RCAN3: variants seen among roughly 807,000 people sequenced by gnomAD.
RCAN3 encodes the protein calcipressin-3.
A neutral mutation model predicts 21.9 loss-of-function variants in RCAN3; 19 were observed. The observed-to-expected ratio is 0.87, with a 90% CI of 0.61 to 1.27. RCAN3 has a LOEUF of 1.27. RCAN3 is among the 50% of genes most tolerant of loss of function. The probability of loss-of-function intolerance (pLI) is 0.00; values close to 1 mark genes in which losing one functional copy is unlikely to be tolerated. For synonymous variants in RCAN3, 114 were observed against 112.3 expected (o/e 1.01, Z -0.09); for missense variants, 240 against 300.1 (o/e 0.80, Z 1.48).
At chr1:24,504,892 T>C (rs1309127353) in intron 1 of RCAN3, among the ~76,000 whole-genome samples, 5 of 152,256 alleles carry the variant, frequency 3.3e-5, no homozygotes, top group Admixed American at 2.0e-4. Flanking sequence ...ATATGTTTTG[T>C]AGGCTGGTTT....
At position 24,539,816 on chromosome 1, in the gene RCAN3, T is replaced by G. The variant is rs1650412048; in HGVS notation, c.*4539T>G. The G allele has an allele frequency of 6.6e-6, 1 of 152,222 alleles. No homozygotes were observed. The highest frequency in any genetic ancestry group is 1.5e-5 in the Non-Finnish European group (1 of 68,044). The allele number at this position is 152,222 out of a possible 1,614,324, so 9.4% of individuals were successfully genotyped here. A position where few individuals can be genotyped will look rare whatever the true frequency, so the allele number is the denominator to read the frequency against. On this transcript the variant is annotated 3_prime_UTR_variant, in exon 5 of 5. Transcript: ENST00000374395. ...GTGGACCCTGTACGTACCAAACAGG[T>G]GAACTTGGTCCATCTTTCCTTCTTC...
intron 2 of RCAN3, among the ~76,000 whole-genome samples, chr1:24,524,828 G>GTTTTTTTTTTTTTTTTTTT (rs5773091): frequency 7.9e-6 from 1 of 127,230 alleles, no homozygotes; most frequent in Non-Finnish European, 1.6e-5. Context: ...GTTTTCTTTT[G>GTTTTTTTTTTTTTTTTTTT]TTTTTTTTTT....
chr1:24,512,569 A>G (rs1647976954), intron 1 of RCAN3, among the ~76,000 whole-genome samples: 1 of 152,192 alleles, frequency 6.6e-6, no homozygotes, highest in Non-Finnish European at 1.5e-5. Flanking sequence ...GTCTTGATTG[A>G]TATTGTAGAA....
chr1:24,512,473 C>T (rs935939691), intron 1 of RCAN3, among the ~76,000 whole-genome samples: 2 of 152,008 alleles, frequency 1.3e-5, no homozygotes, highest in Non-Finnish European at 2.9e-5. Flanking sequence ...GGGTAGGAAC[C>T]ATGTTTTCTT....
intron 1 of RCAN3, among the ~76,000 whole-genome samples, chr1:24,507,102 T>C (rs1056200733): frequency 2.6e-5 from 4 of 152,218 alleles, no homozygotes; most frequent in African/African-American, 9.7e-5. Context: ...GGCATGCTGA[T>C]ATTGACATGG....
rs761974051 is a variant in RCAN3 at position 24,528,422 on chromosome 1, C to T, written c.196-2796C>T. Among the ~76,000 whole-genome samples the T allele has an allele frequency of 1.9e-4, 29 of 152,086 alleles. 1 individual carries two copies. Among genetic ancestry groups the T allele is most frequent in the Admixed American group, 1.3e-4 (2 of 15,268 alleles). On this transcript the variant is annotated intron_variant, in intron 2 of 4. Coordinates refer to ENST00000374395, the MANE Select transcript of RCAN3 (RefSeq NM_013441.4). ...CTGTGTTTATTTACATACAGGCACA[C>T]ACATGCATTATACACACATGTATTC...
At chr1:24,514,197 T>C (rs1430473850) in intron 1 of RCAN3, 117 bp from the exon 2 acceptor site, 1 of 481,054 alleles carries the variant, frequency 2.1e-6, no homozygotes, top group Non-Finnish European at 3.6e-6. Context: ...TAAATATTGA[T>C]TCATCGTTCT....
chr1:24,529,364 G>A (rs1323543094), intron 2 of RCAN3, among the ~76,000 whole-genome samples: 1 of 151,280 alleles, frequency 6.6e-6, no homozygotes, highest in Non-Finnish European at 1.5e-5. Context: ...ACCAGCCTGC[G>A]CAACATAGCG....
chr1:24,531,426 C>A, intron 3 of RCAN3, 35 bp downstream of exon 3: 1 of 1,450,398 alleles, frequency 6.9e-7, no homozygotes, highest in Non-Finnish European at 9.2e-7. Flanking sequence ...GTTCTCTAAA[C>A]TTGTTTTTCT....
chr1:24,502,385 C>T (rs1357677257), upstream of RCAN3: 1 of 152,526 alleles, frequency 6.6e-6, no homozygotes, highest in Non-Finnish European at 1.5e-5. Context: ...GCGGCCGCCT[C>T]TCCTCGGGCA....
chr1:24,511,308 G>A (rs371876849), intron 1 of RCAN3, among the ~76,000 whole-genome samples: 5 of 152,108 alleles, frequency 3.3e-5, no homozygotes, highest in Non-Finnish European at 4.4e-5. Flanking sequence ...GCAAGACTCC[G>A]TCTCAGAAAC....
intron 1 of RCAN3, among the ~76,000 whole-genome samples, chr1:24,505,593 A>G (rs981057392): frequency 6.6e-6 from 1 of 152,128 alleles, no homozygotes; most frequent in Non-Finnish European, 1.5e-5. Context: ...TTAGTAGCCC[A>G]AAGCACCTAT....
At chr1:24,522,093 G>T (rs191392237) in intron 2 of RCAN3, among the ~76,000 whole-genome samples, 20 of 151,974 alleles carry the variant, frequency 1.3e-4, no homozygotes. Context: ...TAAAAATAAT[G>T]CAAAAAGAGC....
intron 1 of RCAN3, among the ~76,000 whole-genome samples, chr1:24,508,055 G>A (rs565513291): frequency 7.9e-5 from 12 of 152,206 alleles, no homozygotes; most frequent in South Asian, 6.2e-4. Context: ...CCGAGATCGC[G>A]CCACTGCGCC....
rs575156393 is a variant in RCAN3 at position 24,532,920 on chromosome 1, GCC to G, written c.370-162_370-161del. Among the ~76,000 whole-genome samples, 703 of 127,046 alleles carry G rather than the reference GCC, an allele frequency of 5.5e-3. 8 individuals carry two copies. Among genetic ancestry groups the G allele is most frequent in the Non-Finnish European group, 7.5e-3 (485 of 64,258 alleles). 83.3% of individuals were successfully genotyped at this position (127,046 alleles called of 152,430 possible). A position where few individuals can be genotyped will look rare whatever the true frequency, so the allele number is the denominator to read the frequency against. On this transcript the variant is annotated intron_variant, in intron 3 of 4. Coordinates refer to ENST00000374395, the MANE Select transcript of RCAN3 (RefSeq NM_013441.4). ...GCTGAGATTGGACCACTGCACTCCA[GCC>G]TGGGCGACAAAGTGAGACTCCGTCT...
In RCAN3 at chr1:24,533,269, T is replaced by C; in HGVS notation, c.541+15T>C. On this transcript the variant is annotated intron_variant, in intron 4 of 4. Coordinates refer to ENST00000374395, the MANE Select transcript of RCAN3 (RefSeq NM_013441.4). ...ATTGGGACCAGGTAATAAACTTCTA[T>C]TTTTCCTATTTTCTTCCCCAAGAAA... is the stretch of plus-strand genomic sequence containing the variant. 1.3e-6 allele frequency: 2 copies of C among 1,504,490 alleles called. No individual in the cohort carries two copies. The highest frequency in any genetic ancestry group is 1.8e-6 in the Non-Finnish European group (2 of 1,126,804). 93.2% of individuals were successfully genotyped at this position (1,504,490 alleles called of 1,614,324 possible). A position where few individuals can be genotyped will look rare whatever the true frequency, so the allele number is the denominator to read the frequency against.
chr1:24,523,311 C>T (rs1434618566), intron 2 of RCAN3, among the ~76,000 whole-genome samples: 4 of 151,918 alleles, frequency 2.6e-5, no homozygotes, highest in East Asian at 1.9e-4. Context: ...GTGATCCGCC[C>T]GCCTTGGCCT....
chr1:24,522,664 T>C (rs940195086), intron 2 of RCAN3, among the ~76,000 whole-genome samples: 3 of 152,132 alleles, frequency 2.0e-5, no homozygotes, highest in African/African-American at 7.2e-5. Flanking sequence ...AAACAAACAC[T>C]CAGCGTGTGT....
At chr1:24,523,409 C>T (rs1190370725) in intron 2 of RCAN3, among the ~76,000 whole-genome samples, 1 of 151,810 alleles carries the variant, frequency 6.6e-6, no homozygotes, top group African/African-American at 2.4e-5. Flanking sequence ...GCTGTTAGAA[C>T]GAATAAGTGA....
Sources: allele counts gnomAD v4.1 joint callset (sites outside exome capture counted in the v4.1 genomes callset), GRCh38; gene constraint gnomAD v4.1.1; transcripts MANE v1.5; gene names NCBI Gene and HGNC (gene_info 2026-07-23, HGNC 2026-07-21).